The following DNAH7 variants were observed in gnomAD, a reference collection of about 807,000 sequenced individuals.
The protein encoded by DNAH7 is dynein axonemal heavy chain 7.
Under a neutral mutation model 444.6 loss-of-function variants are expected in DNAH7, and 397 were observed. The observed-to-expected ratio is 0.89, with a 90% CI of 0.82 to 0.97. The LOEUF (loss-of-function observed/expected upper bound fraction) is 0.97. DNAH7 is among the 50% of genes least tolerant of loss of function. DNAH7 has a pLI of 0.00. For synonymous variants in DNAH7, 1,636 were observed against 1,624.4 expected, an observed-to-expected ratio of 1.01 and a Z score of -0.17; for missense variants, 4,902 against 4,800.8, an observed-to-expected ratio of 1.02 and a Z score of -0.62.
At chr2:195,959,782 C>T (rs1448319607) in intron 18 of DNAH7, among the ~76,000 whole-genome samples, 5 of 152,146 alleles carry the variant, frequency 3.3e-5, no homozygotes. Flanking sequence ...CATTCTTTTT[C>T]ACTTACTTGC....
chr2:196,029,865 T>C (rs1014390477), intron 5 of DNAH7, among the ~76,000 whole-genome samples: 1 of 152,154 alleles, frequency 6.6e-6, no homozygotes, highest in African/African-American at 2.4e-5. Flanking sequence ...ATATTTATTT[T>C]TTTTTCTCTT....
chr2:195,859,138 T>C (rs1699882679), intron 42 of DNAH7, among the ~76,000 whole-genome samples: 1 of 152,214 alleles, frequency 6.6e-6, no homozygotes, highest in African/African-American at 2.4e-5. Flanking sequence ...CTAAAGTTGG[T>C]AAGTTGATCC....
rs1283510893 is a variant in DNAH7, at chr2:195,740,634, TATATATATATAC to T, written c.11868+120_11868+131del. Reference sequence around the variant, plus strand: ...GTGTGTGTATATATATATATATATATATATATATATACATATACACACACACATATGTATACA... The same window carrying T: ...GTGTGTGTATATATATATATATATATATATACACACACACATATGTATACA... On this transcript the variant is annotated intron_variant, in intron 64 of 64. Transcript: ENST00000312428. 1.3e-3 allele frequency: 132 copies of T among 100,744 alleles called. 1 individual carries two copies. Among genetic ancestry groups the T allele is most frequent in the African/African-American group, 6.9e-3 (111 of 16,146 alleles). The allele number at this position is 100,744 out of a possible 1,614,324, so 6.2% of individuals were successfully genotyped here.
In DNAH7 at chr2:195,956,354, T is replaced by C. The variant is rs1005922235; in HGVS notation, c.3078+907A>G. Among the ~76,000 whole-genome samples, 12 of 152,320 alleles carry C rather than the reference T, an allele frequency of 7.9e-5. No individual in the cohort carries two copies. The South Asian group carries it at 2.5e-3, about 32-fold the overall frequency. ...ACACACAACCATGCTTCCGAGGCAGTGAATAAATGTATTCTGCCAGTCATG... is the reference window on the plus strand; with the variant it reads ...ACACACAACCATGCTTCCGAGGCAGCGAATAAATGTATTCTGCCAGTCATG... On this transcript the variant is annotated intron_variant, in intron 19 of 64. Transcript: ENST00000312428.
At chr2:195,772,569 G>C (rs1694889045) in intron 60 of DNAH7, among the ~76,000 whole-genome samples, 1 of 151,864 alleles carries the variant, frequency 6.6e-6, no homozygotes, top group South Asian at 2.1e-4. Context: ...ATGAATATGG[G>C]GTATGTGTTG....
intron 28 of DNAH7, 69 bp from the exon 29 acceptor site, chr2:195,897,834 G>A (rs181151957): frequency 3.9e-4 from 318 of 824,418 alleles, no homozygotes; most frequent in Middle Eastern, 2.3e-3. Context: ...CTTCGTGTTC[G>A]CATACACACA....
At chr2:195,987,801 C>T (rs1189409538) in intron 13 of DNAH7, among the ~76,000 whole-genome samples, 156 bp downstream of exon 13, 1 of 152,022 alleles carries the variant, frequency 6.6e-6, no homozygotes, top group Non-Finnish European at 1.5e-5. Context: ...ATACTCAGGG[C>T]TTACCACAAT....
chr2:196,047,101 A>C (rs535902967), intron 5 of DNAH7, among the ~76,000 whole-genome samples: 1 of 152,200 alleles, frequency 6.6e-6, no homozygotes, highest in African/African-American at 2.4e-5. Flanking sequence ...CATGGCTATA[A>C]TAAGAACTCC....
Position 195,972,323 on chromosome 2 carries a change from C to G in DNAH7, c.1977G>C (p.Trp659Cys). The change falls in exon 16 of 65, where the codon TGG (tryptophan) becomes TGC (cysteine). Residue 659 changes from tryptophan to cysteine, a missense_variant. Trp to Cys is a radical substitution (Grantham distance 215). Transcript: ENST00000312428. The stretch of plus-strand genomic sequence containing the variant: ...CAAAAATTTCTCCCATCCTTCCATA[C>G]CACTGGAAAACACTATTATTTAGCC... The part of the protein sequence containing the change: ...DMRLNNSVFQ[W>C]YGRMGEIFEE... 3 of 1,614,092 alleles carry G rather than the reference C, an allele frequency of 1.9e-6. No individual in the cohort carries two copies. Among genetic ancestry groups the G allele is most frequent in the Admixed American group, 1.7e-5 (1 of 60,024 alleles).
Position 195,834,225 on chromosome 2 carries a change from G to T in DNAH7, c.9081C>A (p.Cys3027Ter). The T allele has an allele frequency of 6.2e-7, 1 of 1,605,654 alleles. No homozygotes were observed. Among genetic ancestry groups the T allele is most frequent in the South Asian group, 1.1e-5 (1 of 90,184 alleles). ...ACATACCAGGAGTACCAAACTGGAT[G>T]CAATTTTCCAGAGTCCTGACATAGT... ...EPDYVRTLEN[C>*]IQFGTPVLLE... The change falls in exon 48 of 65, where the codon TGC (cysteine) becomes TGA (stop). Residue 3027 changes from cysteine (C) to a stop codon, truncating the protein, a stop_gained. Transcript: ENST00000312428. LOFTEE classifies it high-confidence loss of function.
chr2:196,034,999 T>A (rs1042034150), intron 5 of DNAH7, among the ~76,000 whole-genome samples: 1 of 152,060 alleles, frequency 6.6e-6, no homozygotes. Flanking sequence ...CTGACCAACA[T>A]GGTGAAACCT....
rs1473154353 is a variant in DNAH7 at position 195,972,245 on chromosome 2, C to T, written c.2055G>A (p.Leu685=). 6 of 1,611,816 alleles carry T rather than the reference C, an allele frequency of 3.7e-6. No homozygotes were observed. The highest frequency in any genetic ancestry group is 5.1e-6 in the Non-Finnish European group (6 of 1,178,232). ...KEKIEQYQEG[L]KLRCERFVEE... is the part of the protein sequence containing the mutation. ...ATAAAATATCTAAGATGCCAACCTTCAGACCTTCTTGATATTGTTCTATTT... is the reference window on the plus strand; with the variant it reads ...ATAAAATATCTAAGATGCCAACCTTTAGACCTTCTTGATATTGTTCTATTT... The change falls in exon 16 of 65, where the codon CTG becomes CTA. Residue 685 remains leucine (L), a synonymous_variant. Transcript: ENST00000312428.
intron 58 of DNAH7, among the ~76,000 whole-genome samples, chr2:195,784,912 CTTT>C (rs36020233): frequency 4.8e-5 from 6 of 124,368 alleles, no homozygotes; most frequent in Non-Finnish European, 5.3e-5. Flanking sequence ...ATCTTTGACC[CTTT>C]TTTTTTTTTT....
intron 51 of DNAH7, among the ~76,000 whole-genome samples, chr2:195,815,515 G>T (rs1194946935): frequency 6.6e-6 from 1 of 152,104 alleles, no homozygotes; most frequent in African/African-American, 2.4e-5. Flanking sequence ...ATTTTAGTGA[G>T]ATTAACATTT....
Position 195,816,665 on chromosome 2 carries a change from T to A in DNAH7, c.9724A>T (p.Ile3242Phe). The A allele has an allele frequency of 6.2e-7, 1 of 1,613,310 alleles. No individual in the cohort carries two copies. The highest frequency in any genetic ancestry group is 8.5e-7 in the Non-Finnish European group (1 of 1,179,764). Residue 3242 changes from isoleucine (I) to phenylalanine (F), a missense_variant, in exon 51 of 65, where the codon ATT becomes TTT. Coordinates refer to ENST00000312428, the MANE Select transcript of DNAH7 (RefSeq NM_018897.3). ...ATTTCTGATTTCTCTGAATTTTCAA[T>A]AGACAGGATGAAAAGGTTAATAAAC... ...TWFINLFILS[I>F]ENSEKSEILA...
At chr2:195,796,389 T>C (rs1369497996) in intron 56 of DNAH7, among the ~76,000 whole-genome samples, 187 bp downstream of exon 56, 1 of 152,206 alleles carries the variant, frequency 6.6e-6, no homozygotes, top group Non-Finnish European at 1.5e-5. Context: ...TGCCCAGGCC[T>C]GGCTATGTGC....
At chr2:195,787,274 C>T in intron 57 of DNAH7, 103 bp from the exon 58 acceptor site, 1 of 1,199,248 alleles carries the variant, frequency 8.3e-7, no homozygotes, top group Non-Finnish European at 1.2e-6. Context: ...TTATAAATAG[C>T]ATAGGGACAT....
rs370957269 is a variant in DNAH7, at chr2:195,888,286, G to A, written c.5378C>T (p.Ser1793Leu). The A allele has an allele frequency of 8.8e-5, 141 of 1,608,394 alleles. No individual in the cohort carries two copies. Among genetic ancestry groups the A allele is most frequent in the African/African-American group, 2.3e-4 (17 of 74,410 alleles). The change falls in exon 33 of 65, where the codon TCG becomes TTG. Residue 1793 changes from serine to leucine, a missense_variant. Physicochemically the swap from Ser to Leu is moderately radical, Grantham distance 145. Coordinates refer to ENST00000312428, the MANE Select transcript of DNAH7 (RefSeq NM_018897.3). Reference sequence around the variant, plus strand: ...TGTATGCTTTCTAATAAATTCAACCGAAACAGGGACCATTCTGTCAAATAA... The same window carrying A: ...TGTATGCTTTCTAATAAATTCAACCAAAACAGGGACCATTCTGTCAAATAA... ...MGLFDRMVPV[S>L]VEFIRKHTKE...
intron 8 of DNAH7, among the ~76,000 whole-genome samples, chr2:196,022,944 G>A (rs556162143): frequency 2.0e-5 from 3 of 152,052 alleles, no homozygotes; most frequent in Non-Finnish European, 4.4e-5. Flanking sequence ...TTGTTACATG[G>A]GTATATTGTG....
Sources: allele counts gnomAD v4.1 joint callset (sites outside exome capture counted in the v4.1 genomes callset), GRCh38; gene constraint gnomAD v4.1.1; transcripts MANE v1.5; gene names NCBI Gene and HGNC (gene_info 2026-07-23, HGNC 2026-07-21).